EPO: variants seen among roughly 807,000 people sequenced by gnomAD.
EPO encodes the protein erythropoietin, also known as epoetin.
EPO carries 12 observed loss-of-function variants against 24.4 expected under a neutral mutation model. The ratio of observed to expected loss-of-function variants is 0.49; its 90% CI spans 0.32 to 0.80. The LOEUF is 0.80. EPO is among the 30% of genes least tolerant of loss of function. The pLI is 0.04. For missense variants in EPO, 210 were observed against 238.0 expected, an observed-to-expected ratio of 0.88 and a Z score of 0.77; for synonymous variants, 107 against 104.0, an observed-to-expected ratio of 1.03 and a Z score of -0.18.
In EPO at chr7:100,720,924, C is replaced by G; in HGVS notation, c.-57C>G. The G allele has an allele frequency of 1.3e-6, 2 of 1,528,344 alleles. No homozygotes were observed. The highest frequency in any genetic ancestry group is 1.8e-6 in the Non-Finnish European group (2 of 1,140,394). 94.7% of individuals were successfully genotyped at this position (1,528,344 alleles called of 1,614,324 possible). ...GCCGAGCTTCCCGGGATGAGGGCCC[C>G]CGGTGTGGTCACCCGGCGCGCCCCA... On this transcript the variant is annotated 5_prime_UTR_variant, in exon 1 of 5. Coordinates refer to ENST00000252723, the MANE Select transcript of EPO (RefSeq NM_000799.4).
In EPO at chr7:100,722,923, C is replaced by T. The variant is rs1056969483; in HGVS notation, c.427-55C>T. On this transcript the variant is annotated intron_variant, in intron 4 of 4. Transcript: ENST00000252723. The stretch of plus-strand genomic sequence containing the variant: ...CTTGCTAAGGAGTACAGGAACTGTC[C>T]GTATTCCTTCCCTTTCTGTGGCACT... The T allele has an allele frequency of 1.4e-5, 23 of 1,608,954 alleles. No homozygotes were observed. In the South Asian group the frequency reaches 1.9e-4, roughly 13 times the overall value.
chr7:100,722,093 AT>A (rs763614538), intron 3 of EPO, 45 bp downstream of exon 3: 1 of 1,507,290 alleles, frequency 6.6e-7, no homozygotes, highest in South Asian at 1.2e-5. Context: ...GGAGAATCTC[AT>A]TTGCGAGCCT....
rs1366392646 is a variant in EPO, at chr7:100,720,785, G to T, written c.-196G>T. The T allele has an allele frequency of 8.1e-6, 4 of 492,474 alleles. No individual in the cohort carries two copies. The highest frequency in any genetic ancestry group is 1.3e-5 in the Non-Finnish European group (4 of 318,638). 30.5% of individuals were successfully genotyped at this position (492,474 alleles called of 1,614,324 possible). A position where few individuals can be genotyped will look rare whatever the true frequency, so the allele number is the denominator to read the frequency against. On this transcript the variant is annotated 5_prime_UTR_variant, in exon 1 of 5. Transcript: ENST00000252723. Reference sequence around the variant, plus strand: ...CCCCGGCCGCTCGCTGCGCTGCGCCGCACCGCGCTGTCCTCCCGGAGCCGG... The same window carrying T: ...CCCCGGCCGCTCGCTGCGCTGCGCCTCACCGCGCTGTCCTCCCGGAGCCGG...
intron 4 of EPO, 22 bp from the exon 5 acceptor site, chr7:100,722,956 C>T (rs545543326): frequency 3.1e-6 from 5 of 1,613,278 alleles, no homozygotes; most frequent in Middle Eastern, 1.7e-4. Flanking sequence ...ACTGCAGCGA[C>T]CTCCTGTTTT....
Position 100,723,109 on chromosome 7 carries a change from G to A in EPO, c.558G>A (p.Glu186=). ...GAAAGCTGAAGCTGTACACAGGGGA[G>A]GCCTGCAGGACAGGGGACAGATGAC... ...LRGKLKLYTG[E]ACRTGDR is the part of the protein sequence containing the mutation. Residue 186 remains glutamate, a synonymous_variant, in exon 5 of 5, where the codon GAG becomes GAA. Transcript: ENST00000252723. The A allele has an allele frequency of 6.2e-7, 1 of 1,614,082 alleles. No individual in the cohort carries two copies. Among genetic ancestry groups the A allele is most frequent in the Non-Finnish European group, 8.5e-7 (1 of 1,179,996 alleles).
chr7:100,723,389 AG>A lies in EPO; in HGVS notation c.*259del. On this transcript the variant is annotated 3_prime_UTR_variant, in exon 5 of 5. Transcript: ENST00000252723. Reference sequence around the variant, plus strand: ...GCATTCAGAGAGCAGCTTTAAACTCAGGGACAGAGCCATGCTGGGAAGACGC... The same window carrying A: ...GCATTCAGAGAGCAGCTTTAAACTCAGGACAGAGCCATGCTGGGAAGACGC... The A allele has an allele frequency of 2.3e-6, 1 of 428,980 alleles. No individual in the cohort carries two copies. Among genetic ancestry groups the A allele is most frequent in the East Asian group, 4.2e-5 (1 of 23,744 alleles). The allele number at this position is 428,980 out of a possible 1,614,324, so 26.6% of individuals were successfully genotyped here.
chr7:100,721,123 G>T lies in EPO; in HGVS notation c.13+130G>T. 1 of 518,812 alleles carries T rather than the reference G, an allele frequency of 1.9e-6. No individual in the cohort carries two copies. 32.1% of individuals were successfully genotyped at this position (518,812 alleles called of 1,614,324 possible). ...CGACTTGTCAAGGACCCCGGAAGGGGGAGGGGGGTGGGGCAGCCTCCACGT... is the reference window on the plus strand; with the variant it reads ...CGACTTGTCAAGGACCCCGGAAGGGTGAGGGGGGTGGGGCAGCCTCCACGT... On this transcript the variant is annotated intron_variant, in intron 1 of 4. Transcript: ENST00000252723. This position sits in a 1 kb window ranked among gnomAD's most constrained non-coding sequence, Gnocchi z 4.0.
intron 3 of EPO, 44 bp from the exon 4 acceptor site, chr7:100,722,620 A>G (rs1424753370): frequency 1.2e-5 from 18 of 1,525,182 alleles, no homozygotes; most frequent in Middle Eastern, 2.4e-4. Context: ...CAGGAGGGAG[A>G]GGGTGACATG....
At position 100,723,116 on chromosome 7, in the gene EPO, A is replaced by G. The variant is rs1351276052; in HGVS notation, c.565A>G (p.Arg189Gly). 6.2e-7 allele frequency: 1 copy of G among 1,614,038 alleles called. No individual in the cohort carries two copies. Among genetic ancestry groups the G allele is most frequent in the South Asian group, 1.1e-5 (1 of 91,074 alleles). Residue 189 changes from arginine to glycine, a missense_variant, in exon 5 of 5, where the codon AGG becomes GGG. Arg to Gly is a moderately radical substitution (Grantham distance 125). Transcript: ENST00000252723. ...KLKLYTGEAC[R>G]TGDR ...GAAGCTGTACACAGGGGAGGCCTGC[A>G]GGACAGGGGACAGATGACCAGGTGT...
chr7:100,722,927 T>C (rs1345207718), intron 4 of EPO, 51 bp from the exon 5 acceptor site: 2 of 1,610,264 alleles, frequency 1.2e-6, no homozygotes, highest in South Asian at 1.1e-5. Flanking sequence ...ACTGTCCGTA[T>C]TCCTTCCCTT....
chr7:100,721,740 C>T lies in EPO; in HGVS notation c.159+37C>T, dbSNP rs762396931. 1.1e-5 allele frequency: 18 copies of T among 1,590,076 alleles called. No individual in the cohort carries two copies. The highest frequency in any genetic ancestry group is 6.7e-5 in the South Asian group (6 of 89,100). Reference sequence around the variant, plus strand: ...TCCCCAGCACATTCCACAGAACTCACGCTCAGGGCTTCAGGGAACTCCTCC... The same window carrying T: ...TCCCCAGCACATTCCACAGAACTCATGCTCAGGGCTTCAGGGAACTCCTCC... On this transcript the variant is annotated intron_variant, in intron 2 of 4. Coordinates refer to ENST00000252723, the MANE Select transcript of EPO (RefSeq NM_000799.4). This position sits in a 1 kb window ranked among gnomAD's most constrained non-coding sequence, Gnocchi z 4.0.
At position 100,721,940 on chromosome 7, in the gene EPO, C is replaced by G; in HGVS notation, c.160-22C>G. ...CCAGAGCCTTCAGGGACCCTTGACTCCCCGGGCTGTGTGCATTTCAGACGG... is the reference window on the plus strand; with the variant it reads ...CCAGAGCCTTCAGGGACCCTTGACTGCCCGGGCTGTGTGCATTTCAGACGG... On this transcript the variant is annotated intron_variant, in intron 2 of 4. Transcript: ENST00000252723. The surrounding 1 kb of genome is among the most constrained non-coding windows in gnomAD (Gnocchi z 4.0). 6.2e-7 allele frequency: 1 copy of G among 1,600,926 alleles called. No individual in the cohort carries two copies. Among genetic ancestry groups the G allele is most frequent in the Non-Finnish European group, 8.5e-7 (1 of 1,176,332 alleles).
rs1442035633 is a variant in EPO, at chr7:100,720,910, C to T, written c.-71C>T. ...GCTGGCCCTGCACCGCCGAGCTTCC[C>T]GGGATGAGGGCCCCCGGTGTGGTCA... is the stretch of plus-strand genomic sequence containing the variant. On this transcript the variant is annotated 5_prime_UTR_variant, in exon 1 of 5. Coordinates refer to ENST00000252723, the MANE Select transcript of EPO (RefSeq NM_000799.4). 2.0e-6 allele frequency: 3 copies of T among 1,501,316 alleles called. No homozygotes were observed. Among genetic ancestry groups the T allele is most frequent in the African/African-American group, 1.4e-5 (1 of 69,664 alleles). The allele number at this position is 1,501,316 out of a possible 1,614,324, so 93.0% of individuals were successfully genotyped here.
In EPO at chr7:100,721,961, G is replaced by A; in HGVS notation, c.160-1G>A. On this transcript the variant is annotated splice_acceptor_variant, in intron 2 of 4. Transcript: ENST00000252723. LOFTEE classifies it high-confidence loss of function. This position sits in a 1 kb window ranked among gnomAD's most constrained non-coding sequence, Gnocchi z 4.0. The stretch of plus-strand genomic sequence containing the variant: ...GACTCCCCGGGCTGTGTGCATTTCA[G>A]ACGGGCTGTGCTGAACACTGCAGCT... 1 of 1,605,576 alleles carries A rather than the reference G, an allele frequency of 6.2e-7. No homozygotes were observed. Among genetic ancestry groups the A allele is most frequent in the Non-Finnish European group, 8.5e-7 (1 of 1,177,890 alleles).
At position 100,720,794 on chromosome 7, in the gene EPO, T is replaced by C; in HGVS notation, c.-187T>C. Reference sequence around the variant, plus strand: ...CTCGCTGCGCTGCGCCGCACCGCGCTGTCCTCCCGGAGCCGGACCGGGGCC... The same window carrying C: ...CTCGCTGCGCTGCGCCGCACCGCGCCGTCCTCCCGGAGCCGGACCGGGGCC... On this transcript the variant is annotated 5_prime_UTR_variant, in exon 1 of 5. Coordinates refer to ENST00000252723, the MANE Select transcript of EPO (RefSeq NM_000799.4). The C allele has an allele frequency of 5.2e-6, 3 of 573,740 alleles. No homozygotes were observed. The highest frequency in any genetic ancestry group is 7.9e-6 in the Non-Finnish European group (3 of 379,888). 35.5% of individuals were successfully genotyped at this position (573,740 alleles called of 1,614,324 possible). A position where few individuals can be genotyped will look rare whatever the true frequency, so the allele number is the denominator to read the frequency against.
intron 3 of EPO, 50 bp downstream of exon 3, chr7:100,722,098 C>T (rs779886092): frequency 5.6e-5 from 84 of 1,492,818 alleles, no homozygotes; most frequent in South Asian, 1.5e-4. Context: ...ATCTCATTTG[C>T]GAGCCTGATT....
Position 100,721,071 on chromosome 7 carries a change from C to T in EPO, c.13+78C>T. 5 of 1,461,116 alleles carry T rather than the reference C, an allele frequency of 3.4e-6. No homozygotes were observed. Among genetic ancestry groups the T allele is most frequent in the Non-Finnish European group, 4.5e-6 (5 of 1,102,262 alleles). 90.5% of individuals were successfully genotyped at this position (1,461,116 alleles called of 1,614,324 possible). A position where few individuals can be genotyped will look rare whatever the true frequency, so the allele number is the denominator to read the frequency against. On this transcript the variant is annotated intron_variant, in intron 1 of 4. Transcript: ENST00000252723. The surrounding 1 kb of genome is among the most constrained non-coding windows in gnomAD (Gnocchi z 4.0). ...GGGATTTAGCGCCCCGGCTATTGGC[C>T]AGGAGGTGGCTGGGTTCAAGGACCG...
intron 4 of EPO, 57 bp downstream of exon 4, chr7:100,722,900 T>G: frequency 6.2e-7 from 1 of 1,606,888 alleles, no homozygotes; most frequent in Middle Eastern, 1.7e-4. Flanking sequence ...AGAAGGGTCT[T>G]GCTAAGGAGT....
Position 100,721,810 on chromosome 7 carries a change from C to CTAGA in EPO, c.159+108_159+111dup. ...CTTGGTTTGGGGTGGAGTTGGGAAG[C>CTAGA]TAGACACTGCCCCCCTACATAAGAA... On this transcript the variant is annotated intron_variant, in intron 2 of 4. Coordinates refer to ENST00000252723, the MANE Select transcript of EPO (RefSeq NM_000799.4). The surrounding 1 kb of genome is among the most constrained non-coding windows in gnomAD (Gnocchi z 4.0). 1 of 1,507,186 alleles carries CTAGA rather than the reference C, an allele frequency of 6.6e-7. No homozygotes were observed. The highest frequency in any genetic ancestry group is 8.9e-7 in the Non-Finnish European group (1 of 1,124,282). 93.4% of individuals were successfully genotyped at this position (1,507,186 alleles called of 1,614,324 possible). A position where few individuals can be genotyped will look rare whatever the true frequency, so the allele number is the denominator to read the frequency against.
Sources: allele counts gnomAD v4.1 joint callset, GRCh38; gene constraint gnomAD v4.1.1; non-coding constraint Gnocchi (gnomAD v3.1); transcripts MANE v1.5; gene names NCBI Gene and HGNC (gene_info 2026-07-23, HGNC 2026-07-21).